The following COG3 variants were observed in gnomAD, a reference collection of about 807,000 sequenced individuals.
The protein encoded by COG3 is conserved oligomeric Golgi complex subunit 3.
A neutral mutation model predicts 114.1 loss-of-function variants in COG3; 32 were observed. The ratio of observed to expected loss-of-function variants is 0.28; its 90% CI spans 0.21 to 0.38. The LOEUF (loss-of-function observed/expected upper bound fraction) is 0.38. Ranked by LOEUF, COG3 falls within the 10% of genes least tolerant of loss-of-function variation. COG3 has a pLI of 1.00. For synonymous variants in COG3, 352 were observed against 365.7 expected (o/e 0.96, Z 0.43); for missense variants, 813 against 973.2 (o/e 0.84, Z 2.19).
At chr13:45,507,018 G>T (rs1870228516) in intron 14 of COG3, among the ~76,000 whole-genome samples, 1 of 152,234 alleles carries the variant, frequency 6.6e-6, no homozygotes, top group Non-Finnish European at 1.5e-5. Flanking sequence ...TGTGGGAGAA[G>T]CCCTGGTCCC....
intron 11 of COG3, among the ~76,000 whole-genome samples, chr13:45,492,617 T>A (rs1487325388): frequency 6.6e-6 from 1 of 152,174 alleles, no homozygotes; most frequent in East Asian, 1.9e-4. Flanking sequence ...AAAATACAGA[T>A]ACTATTTAAT....
intron 14 of COG3, among the ~76,000 whole-genome samples, chr13:45,508,822 A>T (rs2985967): frequency 0.7 from 106,514 of 151,974 alleles, 39,637 homozygotes; most frequent in Non-Finnish European, 0.82. Context: ...GCCTTTTCTG[A>T]CCTTCCCAGT....
chr13:45,518,675 T>C (rs773902206), intron 17 of COG3, 87 bp from the exon 18 acceptor site: 7 of 982,672 alleles, frequency 7.1e-6, no homozygotes, highest in Non-Finnish European at 1.1e-5. Flanking sequence ...CTTTTTGCCT[T>C]GTGGTGGTAG....
At chr13:45,513,000 T>C (rs916906432) in intron 16 of COG3, among the ~76,000 whole-genome samples, 8 of 150,864 alleles carry the variant, frequency 5.3e-5, no homozygotes, top group East Asian at 1.9e-4. Context: ...TTTTTTTTTT[T>C]CCCAGGAAGT....
At chr13:45,532,208 A>T (rs747726760) in intron 22 of COG3, 1 of 152,114 alleles carries the variant, frequency 6.6e-6, no homozygotes, top group African/African-American at 2.4e-5. Flanking sequence ...GGCTGTATAT[A>T]TTCCTTTATG....
At chr13:45,508,423 CACAT>C (rs1292325237) in intron 14 of COG3, among the ~76,000 whole-genome samples, 5,954 of 109,740 alleles carry the variant, frequency 0.054, 267 homozygotes, top group African/African-American at 0.21. Context: ...CACACACACA[CACAT>C]ACACATATAT....
At chr13:45,469,249 T>C (rs1043279229) in intron 1 of COG3, among the ~76,000 whole-genome samples, 2 of 152,226 alleles carry the variant, frequency 1.3e-5, no homozygotes, top group South Asian at 2.1e-4. Flanking sequence ...ACAGAACATA[T>C]CTGGAATATC....
chr13:45,521,576 T>TGC lies in COG3; in HGVS notation c.2154+2483_2154+2484dup, dbSNP rs1555299588. On this transcript the variant is annotated intron_variant, in intron 19 of 22. Coordinates refer to ENST00000349995, the MANE Select transcript of COG3 (RefSeq NM_031431.4). Reference sequence around the variant, plus strand: ...TGAGTCAGAGACAAAGATACATACGTGCACACACACACACACACACACACA... The same window carrying TGC: ...TGAGTCAGAGACAAAGATACATACGTGCGCACACACACACACACACACACACA... Among the ~76,000 whole-genome samples, 5 of 119,684 alleles carry TGC rather than the reference T, an allele frequency of 4.2e-5. No homozygotes were observed. In the South Asian group the frequency reaches 1.2e-3, roughly 30 times the overall value. The allele number at this position is 119,684 out of a possible 152,430, so 78.5% of individuals were successfully genotyped here. A position where few individuals can be genotyped will look rare whatever the true frequency, so the allele number is the denominator to read the frequency against.
chr13:45,466,126 C>T (rs1187368123), intron 1 of COG3, among the ~76,000 whole-genome samples: 1 of 152,180 alleles, frequency 6.6e-6, no homozygotes, highest in African/African-American at 2.4e-5. Context: ...CAACCTCCAC[C>T]TCCCGGGTTC....
Position 45,519,547 on chromosome 13 carries a change from T to G in COG3, c.2154+453T>G, listed in dbSNP as rs1466636347. On this transcript the variant is annotated intron_variant, in intron 19 of 22. Coordinates refer to ENST00000349995, the MANE Select transcript of COG3 (RefSeq NM_031431.4). Reference sequence around the variant, plus strand: ...CATGGATAATTGAGAACTGAAGACTTTTATAACATAGCATTGTTAACTGTC... The same window carrying G: ...CATGGATAATTGAGAACTGAAGACTGTTATAACATAGCATTGTTAACTGTC... 2.0e-5 allele frequency among the ~76,000 whole-genome samples: 3 copies of G among 152,350 alleles called. No homozygotes were observed. The East Asian group carries it at 5.8e-4, about 29-fold the overall frequency.
chr13:45,497,274 A>G (rs757645477), intron 13 of COG3, among the ~76,000 whole-genome samples: 3 of 152,092 alleles, frequency 2.0e-5, no homozygotes, highest in African/African-American at 4.8e-5. Flanking sequence ...ATTTTCTTTG[A>G]GTTCTGGACA....
chr13:45,528,418 C>G (rs3014968), intron 20 of COG3, among the ~76,000 whole-genome samples: 49,266 of 152,022 alleles, frequency 0.32, 8,722 homozygotes, highest in Middle Eastern at 0.53. Flanking sequence ...GGATCAGGAC[C>G]CCTTTCCAGT....
Position 45,505,394 on chromosome 13 carries a change from C to T in COG3, c.1594+2045C>T, listed in dbSNP as rs565180618. Among the ~76,000 whole-genome samples, 41 of 150,684 alleles carry T rather than the reference C, an allele frequency of 2.7e-4. No homozygotes were observed. The East Asian group carries it at 5.5e-3, about 20-fold the overall frequency. ...TCAGCTCACTGCAACCTCCGCCTCCCGGGTTCAAGCAATTCTCCTGCCTCA... is the reference window on the plus strand; with the variant it reads ...TCAGCTCACTGCAACCTCCGCCTCCTGGGTTCAAGCAATTCTCCTGCCTCA... On this transcript the variant is annotated intron_variant, in intron 14 of 22. Coordinates refer to ENST00000349995, the MANE Select transcript of COG3 (RefSeq NM_031431.4).
At chr13:45,484,185 A>G (rs1886425341) in intron 7 of COG3, among the ~76,000 whole-genome samples, 1 of 152,126 alleles carries the variant, frequency 6.6e-6, no homozygotes, top group African/African-American at 2.4e-5. Flanking sequence ...TTTGGCTTGC[A>G]TTTTTACCGT....
chr13:45,484,356 A>G (rs192708048), intron 7 of COG3, among the ~76,000 whole-genome samples: 2 of 152,230 alleles, frequency 1.3e-5, no homozygotes, highest in Admixed American at 6.5e-5. Context: ...AGTTTAATGG[A>G]TGCACTGAGT....
At chr13:45,479,989 A>G (rs1886146598) in intron 3 of COG3, 136 bp from the exon 4 acceptor site, 14 of 621,406 alleles carry the variant, frequency 2.3e-5, no homozygotes, top group Admixed American at 5.9e-5. Flanking sequence ...ATTTCTTAAC[A>G]TAATCAACTT....
intron 7 of COG3, among the ~76,000 whole-genome samples, chr13:45,483,587 T>G (rs1340580220): frequency 1.3e-5 from 2 of 152,228 alleles, no homozygotes; most frequent in Non-Finnish European, 2.9e-5. Flanking sequence ...AAGTATTCAG[T>G]ACTATATGAT....
rs762448337 is a variant in COG3 at position 45,482,415 on chromosome 13, A to G, written c.659A>G (p.Asp220Gly). 3.2e-6 allele frequency: 5 copies of G among 1,570,838 alleles called. No homozygotes were observed. In the African/African-American group the frequency reaches 4.1e-5, roughly 13 times the overall value. ...TCCCCTACATTGTCGGTGAATAGTG[A>G]CGGATTTATACCTATGCTGGCCAAG... ...LNSPTLSVNS[D>G]GFIPMLAKLD... Residue 220 changes from aspartate to glycine, a missense_variant, in exon 6 of 23, where the codon GAC (aspartate) becomes GGC (glycine). Physicochemically the swap from Asp to Gly is moderately conservative, Grantham distance 94. This residue lies in a region of COG3 where 424 missense variants were observed against 430.6 expected (regional missense o/e 0.98). Transcript: ENST00000349995.
intron 13 of COG3, among the ~76,000 whole-genome samples, chr13:45,497,978 A>G (rs1273469434): frequency 6.6e-6 from 1 of 152,254 alleles, no homozygotes; most frequent in African/African-American, 2.4e-5. Flanking sequence ...AATTAAAAAG[A>G]AACTTTCAGT....
Sources: allele counts gnomAD v4.1 joint callset (sites outside exome capture counted in the v4.1 genomes callset), GRCh38; gene constraint gnomAD v4.1.1; regional missense constraint gnomAD v4.1.1; transcripts MANE v1.5; gene names NCBI Gene and HGNC (gene_info 2026-07-23, HGNC 2026-07-21).